GRID2: variants seen among roughly 807,000 people sequenced by gnomAD.
The protein encoded by GRID2 is glutamate ionotropic receptor delta type subunit 2.
GRID2 carries 33 observed loss-of-function variants against 114.8 expected under a neutral mutation model. The observed-to-expected ratio is 0.29, with a 90% CI of 0.22 to 0.38. The LOEUF (loss-of-function observed/expected upper bound fraction) is 0.38. Among genes scored for constraint, GRID2 ranks in the 10% least tolerant of loss-of-function variants. The probability of loss-of-function intolerance (pLI) is 1.00; values close to 1 mark genes in which losing one functional copy is unlikely to be tolerated. For synonymous variants in GRID2, 505 were observed against 449.9 expected (o/e 1.12, Z -1.55); for missense variants, 1,184 against 1,257.7 (o/e 0.94, Z 0.89).
chr4:93,140,333 T>C (rs1399351184), intron 4 of GRID2, among the ~76,000 whole-genome samples: 2 of 152,002 alleles, frequency 1.3e-5, no homozygotes, highest in East Asian at 3.9e-4. Context: ...TAATTTTTTG[T>C]ATTTTTAGTA....
chr4:92,533,202 T>G (rs35218926), intron 1 of GRID2, among the ~76,000 whole-genome samples: 31,268 of 146,304 alleles, frequency 0.21, 3,353 homozygotes, highest in South Asian at 0.29. Flanking sequence ...GTTTTTTTTG[T>G]TTTTTTTTTG....
intron 8 of GRID2, among the ~76,000 whole-genome samples, chr4:93,260,174 T>C (rs1750097502): frequency 6.6e-6 from 1 of 151,790 alleles, no homozygotes; most frequent in Non-Finnish European, 1.5e-5. Context: ...TGATTCTTAC[T>C]AGCATTCTGA....
chr4:92,796,523 C>T (rs1159590382), intron 2 of GRID2, among the ~76,000 whole-genome samples: 1 of 151,904 alleles, frequency 6.6e-6, no homozygotes, highest in Non-Finnish European at 1.5e-5. Context: ...TTTATTTGTA[C>T]ATAACAGTAG....
chr4:92,597,552 AAG>A (rs1729014127), intron 2 of GRID2, among the ~76,000 whole-genome samples: 2 of 152,092 alleles, frequency 1.3e-5, no homozygotes, highest in African/African-American at 2.4e-5. Context: ...TTTTATTTGG[AAG>A]AGTCTTTAGC....
At chr4:93,713,511 G>A (rs893591900) in intron 14 of GRID2, among the ~76,000 whole-genome samples, 4 of 151,734 alleles carry the variant, frequency 2.6e-5, no homozygotes, top group Admixed American at 2.6e-4. Context: ...ATTCTAAGTG[G>A]AGAAGATACA....
intron 12 of GRID2, among the ~76,000 whole-genome samples, chr4:93,499,627 T>C (rs1272442381): frequency 6.6e-6 from 1 of 151,884 alleles, no homozygotes; most frequent in Non-Finnish European, 1.5e-5. Flanking sequence ...GAATTAGCCA[T>C]TACTACACAT....
intron 2 of GRID2, among the ~76,000 whole-genome samples, chr4:92,882,727 A>G (rs1386810425): frequency 2.0e-5 from 3 of 152,234 alleles, no homozygotes; most frequent in African/African-American, 7.2e-5. Flanking sequence ...GTCCCAGTGC[A>G]TGTGCATATA....
At chr4:92,783,788 A>T (rs1017560982) in intron 2 of GRID2, among the ~76,000 whole-genome samples, 1 of 151,968 alleles carries the variant, frequency 6.6e-6, no homozygotes, top group Non-Finnish European at 1.5e-5. Flanking sequence ...ATGGAGGCTG[A>T]GAAGGGAGGG....
Position 93,499,450 on chromosome 4 carries a change from A to G in GRID2, c.1997+8673A>G, listed in dbSNP as rs372324576. ...TATTGAGCCCTTCTTTCCCACCCAC[A>G]TTTCTGTCCAGGGGCACCAACAAAT... On this transcript the variant is annotated intron_variant, in intron 12 of 15. Coordinates refer to ENST00000282020, the MANE Select transcript of GRID2 (RefSeq NM_001510.4). 4.0e-5 allele frequency among the ~76,000 whole-genome samples: 6 copies of G among 151,894 alleles called. No homozygotes were observed. In the East Asian group the frequency reaches 7.8e-4, roughly 20 times the overall value.
chr4:93,659,076 T>A (rs941611842), intron 14 of GRID2, among the ~76,000 whole-genome samples: 1 of 151,946 alleles, frequency 6.6e-6, no homozygotes, highest in Non-Finnish European at 1.5e-5. Context: ...CAGTCTAGCG[T>A]AGCAATTTAG....
intron 2 of GRID2, among the ~76,000 whole-genome samples, chr4:92,968,621 A>G (rs1031283317): frequency 2.0e-5 from 3 of 151,992 alleles, no homozygotes; most frequent in Admixed American, 6.6e-5. Context: ...TAAAAAATAC[A>G]TCATTCAATG....
At chr4:93,472,185 A>G (rs1019794784) in intron 11 of GRID2, among the ~76,000 whole-genome samples, 1 of 151,620 alleles carries the variant, frequency 6.6e-6, no homozygotes, top group South Asian at 2.1e-4. Flanking sequence ...TTAGCCAAGC[A>G]TGGTGGCGCA....
chr4:92,967,047 T>C (rs1753201357), intron 2 of GRID2, among the ~76,000 whole-genome samples: 1 of 151,878 alleles, frequency 6.6e-6, no homozygotes, highest in East Asian at 1.9e-4. Flanking sequence ...TAATCAAACC[T>C]AGGCAGCCTA....
chr4:93,655,991 T>C (rs1436026959), intron 14 of GRID2, among the ~76,000 whole-genome samples: 1 of 151,842 alleles, frequency 6.6e-6, no homozygotes, highest in East Asian at 1.9e-4. Flanking sequence ...TTGTTGAATA[T>C]TAAAATGCTG....
intron 2 of GRID2, among the ~76,000 whole-genome samples, chr4:92,636,997 A>T (rs1029453340): frequency 6.6e-6 from 1 of 151,974 alleles, no homozygotes; most frequent in African/African-American, 2.4e-5. Context: ...CAAAGTAATC[A>T]GCCTAATATT....
intron 1 of GRID2, among the ~76,000 whole-genome samples, chr4:92,445,044 A>G (rs1428376045): frequency 1.3e-5 from 2 of 152,138 alleles, no homozygotes; most frequent in Admixed American, 1.3e-4. Flanking sequence ...TCTGGACTTT[A>G]GCGAGTCATG....
chr4:93,555,421 G>C (rs1029328523), intron 13 of GRID2, among the ~76,000 whole-genome samples: 1 of 152,130 alleles, frequency 6.6e-6, no homozygotes, highest in Admixed American at 6.5e-5. Context: ...AGCTTGGTGC[G>C]GGGAAGGGAG....
At chr4:92,933,115 T>C (rs933036225) in intron 2 of GRID2, among the ~76,000 whole-genome samples, 12 of 150,896 alleles carry the variant, frequency 8.0e-5, no homozygotes, top group African/African-American at 2.7e-4. Context: ...ATAAGAATTA[T>C]AGAAAATGTG....
At chr4:92,623,328 C>T (rs1241534827) in intron 2 of GRID2, among the ~76,000 whole-genome samples, 1 of 150,678 alleles carries the variant, frequency 6.6e-6, no homozygotes, top group African/African-American at 2.4e-5. Flanking sequence ...CCTGCTTATC[C>T]TCAGTGTAAC....
Sources: gnomAD v4.1 joint callset for allele counts (sites outside exome capture counted in the v4.1 genomes callset) on GRCh38, gnomAD v4.1.1 for gene constraint, MANE v1.5 for transcripts, NCBI Gene and HGNC (gene_info 2026-07-23, HGNC 2026-07-21) for gene names.